Variants in DENND2C observed in about 807,000 individuals in gnomAD.
The protein encoded by DENND2C is DENN domain containing 2C.
In DENND2C, 72 loss-of-function variants were observed where a neutral mutation model predicts 112.4. The observed-to-expected ratio is 0.64, with a 90% CI of 0.53 to 0.78. The LOEUF is 0.78. Among genes scored for constraint, DENND2C ranks in the 30% least tolerant of loss-of-function variants. The probability of loss-of-function intolerance (pLI) is 0.00; values close to 1 mark genes in which losing one functional copy is unlikely to be tolerated. For synonymous variants in DENND2C, 329 were observed against 381.6 expected (o/e 0.86, Z 1.61); for missense variants, 992 against 1,113.8 (o/e 0.89, Z 1.56).
At chr1:114,592,018 G>A (rs898899692) in intron 18 of DENND2C, among the ~76,000 whole-genome samples, 1 of 151,952 alleles carries the variant, frequency 6.6e-6, no homozygotes, top group African/African-American at 2.4e-5. Context: ...CTGAGTAGCT[G>A]GAATTACAGG....
At chr1:114,592,181 G>A (rs189395685) in intron 18 of DENND2C, among the ~76,000 whole-genome samples, 5 of 152,056 alleles carry the variant, frequency 3.3e-5, no homozygotes, top group South Asian at 2.1e-4. Flanking sequence ...CACCGTGCCC[G>A]GCCCTAGTAT....
rs1656335216 is a variant in DENND2C, at chr1:114,626,097, C to T, written c.-113G>A. The T allele has an allele frequency of 1.8e-6, 2 of 1,136,566 alleles. No individual in the cohort carries two copies. The highest frequency in any genetic ancestry group is 5.5e-5 in the Admixed American group (2 of 36,486). The allele number at this position is 1,136,566 out of a possible 1,614,324, so 70.4% of individuals were successfully genotyped here. A position where few individuals can be genotyped will look rare whatever the true frequency, so the allele number is the denominator to read the frequency against. On this transcript the variant is annotated 5_prime_UTR_variant, in exon 4 of 21. Coordinates refer to ENST00000393274, the MANE Select transcript of DENND2C (RefSeq NM_001256404.2). Reference sequence around the variant, plus strand: ...GAATCCAAATGATTCCAGTATTTTCCCTTCATGTTTAACTTGTAAATCTCT... The same window carrying T: ...GAATCCAAATGATTCCAGTATTTTCTCTTCATGTTTAACTTGTAAATCTCT...
At chr1:114,588,055 T>C (rs373812311) in intron 18 of DENND2C, 103 bp from the exon 19 acceptor site, 1 of 950,108 alleles carries the variant, frequency 1.1e-6, no homozygotes, top group African/African-American at 1.7e-5. Flanking sequence ...AAGTTATAGA[T>C]TAAAGGACTG....
rs767958216 is a variant in DENND2C at position 114,587,800 on chromosome 1, G to A, written c.2584C>T (p.Arg862Cys). 108 of 1,613,938 alleles carry A rather than the reference G, an allele frequency of 6.7e-5. No individual in the cohort carries two copies. Among genetic ancestry groups the A allele is most frequent in the Admixed American group, 6.5e-4 (39 of 59,972 alleles). The part of the protein sequence containing the change: ...FRKSHTSRSV[R>C]HFLDLFMETQ... ...TCCATGAAGAGATCCAGGAAGTGGCGTACACTTCGGGAGGTGTGGGACTTA... is the reference window on the plus strand; with the variant it reads ...TCCATGAAGAGATCCAGGAAGTGGCATACACTTCGGGAGGTGTGGGACTTA... Residue 862 changes from arginine to cysteine, a missense_variant, in exon 19 of 21, where the codon CGC becomes TGC. By Grantham distance (180) the Arg-to-Cys change is radical. Coordinates refer to ENST00000393274, the MANE Select transcript of DENND2C (RefSeq NM_001256404.2).
At chr1:114,615,802 G>A (rs1353390152) in intron 8 of DENND2C, among the ~76,000 whole-genome samples, 2 of 152,212 alleles carry the variant, frequency 1.3e-5, no homozygotes, top group Admixed American at 6.5e-5. Context: ...GGGGCCGGGC[G>A]CAGTGGCTCA....
At chr1:114,592,611 A>G (rs1351368464) in intron 18 of DENND2C, among the ~76,000 whole-genome samples, 1 of 152,102 alleles carries the variant, frequency 6.6e-6, no homozygotes, top group East Asian at 1.9e-4. Flanking sequence ...GCCCAGCTAC[A>G]TGGCTGGCTG....
At chr1:114,661,873 G>A (rs1052970053) in intron 1 of DENND2C, among the ~76,000 whole-genome samples, 2 of 152,034 alleles carry the variant, frequency 1.3e-5, no homozygotes, top group Admixed American at 6.6e-5. Context: ...CACACTTGAC[G>A]AATGCAAAGT....
At chr1:114,647,451 A>T (rs1295119040) in intron 2 of DENND2C, among the ~76,000 whole-genome samples, 2 of 151,888 alleles carry the variant, frequency 1.3e-5, no homozygotes, top group African/African-American at 4.8e-5. Flanking sequence ...GGGTTCAATA[A>T]TCCACTATTG....
At chr1:114,615,138 A>G (rs1190109165) in intron 8 of DENND2C, among the ~76,000 whole-genome samples, 3 of 152,220 alleles carry the variant, frequency 2.0e-5, no homozygotes. Flanking sequence ...TGCAATGTGT[A>G]ATTTATTTCC....
chr1:114,632,439 G>C (rs2101673399), intron 3 of DENND2C, among the ~76,000 whole-genome samples: 1 of 151,906 alleles, frequency 6.6e-6, no homozygotes, highest in South Asian at 2.1e-4. Context: ...GGGGAAACAA[G>C]GTAAGCCAGA....
At chr1:114,647,614 T>C (rs752710249) in intron 2 of DENND2C, among the ~76,000 whole-genome samples, 12 of 152,170 alleles carry the variant, frequency 7.9e-5, no homozygotes, top group Non-Finnish European at 1.3e-4. Flanking sequence ...AGAGACGGGG[T>C]TTTGCCATGT....
intron 10 of DENND2C, among the ~76,000 whole-genome samples, chr1:114,606,157 C>T (rs1052097136): frequency 6.6e-6 from 1 of 152,064 alleles, no homozygotes; most frequent in Non-Finnish European, 1.5e-5. Flanking sequence ...CAGTGATCCT[C>T]GTGTCTCAGC....
chr1:114,665,065 G>A (rs1412990234), intron 1 of DENND2C, among the ~76,000 whole-genome samples: 1 of 151,864 alleles, frequency 6.6e-6, no homozygotes, highest in African/African-American at 2.4e-5. Flanking sequence ...CTGCACTCCA[G>A]CCTGGGCAAC....
At chr1:114,616,067 T>G (rs1655959691) in intron 8 of DENND2C, among the ~76,000 whole-genome samples, 1 of 151,402 alleles carries the variant, frequency 6.6e-6, no homozygotes, top group Admixed American at 6.6e-5. Flanking sequence ...AGAGCAAGAC[T>G]GTCTCAAAAG....
chr1:114,590,801 T>C (rs1462091724), intron 18 of DENND2C, among the ~76,000 whole-genome samples: 1 of 144,998 alleles, frequency 6.9e-6, no homozygotes, highest in East Asian at 2.0e-4. Context: ...AAAAAAATTA[T>C]TGAACTTGTT....
At chr1:114,607,155 C>T (rs1655680185) in intron 10 of DENND2C, among the ~76,000 whole-genome samples, 1 of 152,232 alleles carries the variant, frequency 6.6e-6, no homozygotes, top group African/African-American at 2.4e-5. Context: ...AACAAGAGAA[C>T]TCATCCTAGG....
intron 3 of DENND2C, among the ~76,000 whole-genome samples, chr1:114,630,288 C>T (rs995990888): frequency 4.7e-5 from 7 of 149,266 alleles, no homozygotes; most frequent in Non-Finnish European, 1.0e-4. Flanking sequence ...AGTCTGGCGA[C>T]AGAGCGAGAT....
At chr1:114,599,787 T>G (rs1412269900) in intron 15 of DENND2C, among the ~76,000 whole-genome samples, 1 of 152,136 alleles carries the variant, frequency 6.6e-6, no homozygotes, top group Non-Finnish European at 1.5e-5. Flanking sequence ...CTAACGCAAG[T>G]GGCTTTTTGA....
At position 114,608,821 on chromosome 1, in the gene DENND2C, G is replaced by T. The variant is rs763161425; in HGVS notation, c.1422C>A (p.His474Gln). ...QLQPSSKRNP[H>Q]YQTLERDLIE... ...TAAGATCCCGCTCCAAGGTCTGGTA[G>T]TGAGGATTCCTCTTGGAAGACGGTT... The change falls in exon 10 of 21, where the codon CAC (histidine) becomes CAA (glutamine). Residue 474 changes from histidine to glutamine, a missense_variant. Coordinates refer to ENST00000393274, the MANE Select transcript of DENND2C (RefSeq NM_001256404.2). 14 of 1,614,102 alleles carry T rather than the reference G, an allele frequency of 8.7e-6. No homozygotes were observed. Among genetic ancestry groups the T allele is most frequent in the Non-Finnish European group, 2.5e-6 (3 of 1,180,050 alleles).
Sources: allele counts gnomAD v4.1 joint callset (sites outside exome capture counted in the v4.1 genomes callset), GRCh38; gene constraint gnomAD v4.1.1; transcripts MANE v1.5; gene names NCBI Gene and HGNC (gene_info 2026-07-23, HGNC 2026-07-21).